DLG2: variants seen among roughly 807,000 people sequenced by gnomAD.
DLG2 encodes the protein disks large homolog 2.
Under a neutral mutation model 132.5 loss-of-function variants are expected in DLG2, and 45 were observed. The observed-to-expected ratio is 0.34, with a 90% confidence interval of 0.27 to 0.44. DLG2 has a LOEUF of 0.44. Among genes scored for constraint, DLG2 ranks in the 20% least tolerant of loss-of-function variants. The probability of loss-of-function intolerance (pLI) is 1.00; values close to 1 mark genes in which losing one functional copy is unlikely to be tolerated. For synonymous variants in DLG2, 424 were observed against 419.6 expected (o/e 1.01, Z -0.13); for missense variants, 1,045 against 1,196.9 (o/e 0.87, Z 1.87).
intron 3 of DLG2, among the ~76,000 whole-genome samples, chr11:85,543,552 G>A (rs2076110171): frequency 6.6e-6 from 1 of 152,128 alleles, no homozygotes; most frequent in Non-Finnish European, 1.5e-5. Context: ...GATCCTTAAG[G>A]AATTGCCACA....
chr11:85,011,373 C>T (rs1026935226), intron 6 of DLG2, among the ~76,000 whole-genome samples: 5 of 152,118 alleles, frequency 3.3e-5, no homozygotes, highest in East Asian at 1.9e-4. Context: ...AAATATTTGG[C>T]GTGGGATGAT....
intron 19 of DLG2, among the ~76,000 whole-genome samples, chr11:83,556,641 G>A (rs11233670): frequency 0.047 from 7,111 of 152,182 alleles, 210 homozygotes; most frequent in South Asian, 0.12. Flanking sequence ...CAAAGTGCTG[G>A]GATTACAGGC....
At chr11:83,917,208 G>C (rs1399131395) in intron 15 of DLG2, among the ~76,000 whole-genome samples, 1 of 152,118 alleles carries the variant, frequency 6.6e-6, no homozygotes, top group Admixed American at 6.5e-5. Flanking sequence ...CAGAGTTACT[G>C]GTGTTGAAAA....
intron 6 of DLG2, among the ~76,000 whole-genome samples, chr11:84,695,987 C>T (rs1416209886): frequency 2.0e-5 from 3 of 151,512 alleles, no homozygotes; most frequent in African/African-American, 7.3e-5. Context: ...AATAAGACCA[C>T]TACCAATGGA....
At chr11:85,364,006 T>A (rs142149398) in intron 3 of DLG2, among the ~76,000 whole-genome samples, 1 of 152,156 alleles carries the variant, frequency 6.6e-6, no homozygotes, top group Non-Finnish European at 1.5e-5. Context: ...TAATAGAAGA[T>A]TTGTCAGAAA....
At chr11:84,138,700 G>C (rs1254441226) in intron 9 of DLG2, among the ~76,000 whole-genome samples, 2 of 152,294 alleles carry the variant, frequency 1.3e-5, no homozygotes, top group Admixed American at 1.3e-4. Flanking sequence ...CATAATCCCA[G>C]AACTTCGGGA....
At chr11:84,171,628 G>A (rs2095824959) in intron 8 of DLG2, among the ~76,000 whole-genome samples, 1 of 152,124 alleles carries the variant, frequency 6.6e-6, no homozygotes, top group South Asian at 2.1e-4. Context: ...ACCCACTGAT[G>A]GACACTGAGG....
At chr11:85,088,863 A>G (rs1281765766) in intron 6 of DLG2, among the ~76,000 whole-genome samples, 1 of 152,186 alleles carries the variant, frequency 6.6e-6, no homozygotes, top group Non-Finnish European at 1.5e-5. Context: ...AATAAACAAA[A>G]CAAAAAGCAA....
intron 15 of DLG2, among the ~76,000 whole-genome samples, chr11:83,890,694 T>C (rs920102174): frequency 1.3e-5 from 2 of 152,158 alleles, no homozygotes; most frequent in African/African-American, 4.8e-5. Flanking sequence ...AAGCAGTGTA[T>C]GTAAAAAAAG....
chr11:83,906,854 C>T (rs1390438841), intron 15 of DLG2, among the ~76,000 whole-genome samples: 2 of 152,172 alleles, frequency 1.3e-5, no homozygotes, highest in Non-Finnish European at 2.9e-5. Flanking sequence ...TTAATAACCA[C>T]ATTATCAGGG....
chr11:84,822,442 G>A (rs2077813040), intron 6 of DLG2, among the ~76,000 whole-genome samples: 2 of 151,924 alleles, frequency 1.3e-5, no homozygotes, highest in Middle Eastern at 6.8e-3. Flanking sequence ...GTTTAAATGT[G>A]ATAAAGCACT....
At chr11:85,350,154 G>A (rs2083171425) in intron 3 of DLG2, among the ~76,000 whole-genome samples, 1 of 152,214 alleles carries the variant, frequency 6.6e-6, no homozygotes, top group African/African-American at 2.4e-5. Context: ...GCATTTCTCT[G>A]ATGACCAGTG....
At chr11:83,833,902 T>C in intron 16 of DLG2, 132 bp from the exon 17 acceptor site, 1 of 934,592 alleles carries the variant, frequency 1.1e-6, no homozygotes, top group Non-Finnish European at 1.5e-6. Flanking sequence ...AAGATAACAT[T>C]TGCACATCAA....
chr11:84,737,650 G>A (rs575304996), intron 6 of DLG2, among the ~76,000 whole-genome samples: 1 of 152,086 alleles, frequency 6.6e-6, no homozygotes, highest in Non-Finnish European at 1.5e-5. Context: ...GTGAAGGATT[G>A]GAATGGAACA....
At chr11:84,002,805 T>C (rs901654100) in intron 11 of DLG2, among the ~76,000 whole-genome samples, 2 of 152,216 alleles carry the variant, frequency 1.3e-5, no homozygotes, top group African/African-American at 4.8e-5. Flanking sequence ...CGTTGGTTCC[T>C]TGTTCATTAT....
chr11:84,640,850 G>C (rs2099659533), intron 6 of DLG2, among the ~76,000 whole-genome samples: 1 of 151,284 alleles, frequency 6.6e-6, no homozygotes, highest in African/African-American at 2.4e-5. Context: ...TGAGGCAGGA[G>C]AATTGCTTGA....
intron 11 of DLG2, among the ~76,000 whole-genome samples, chr11:84,008,139 C>T (rs949706574): frequency 1.3e-5 from 2 of 151,736 alleles, no homozygotes; most frequent in East Asian, 3.9e-4. Flanking sequence ...TTTTATTTCT[C>T]AAACTCTCTT....
chr11:83,621,891 C>G (rs889209167), intron 19 of DLG2, among the ~76,000 whole-genome samples: 2 of 152,106 alleles, frequency 1.3e-5, no homozygotes, highest in Non-Finnish European at 2.9e-5. Context: ...TCTGCTCTCA[C>G]TGTCTTGCTA....
chr11:85,156,049 T>A (rs1004002600), intron 4 of DLG2, among the ~76,000 whole-genome samples: 1 of 151,966 alleles, frequency 6.6e-6, no homozygotes. Flanking sequence ...TGAACAGAAA[T>A]TTCCACTCCT....
Sources: allele counts gnomAD v4.1 joint callset (sites outside exome capture counted in the v4.1 genomes callset), GRCh38; gene constraint gnomAD v4.1.1; transcripts MANE v1.5; gene names NCBI Gene and HGNC (gene_info 2026-07-23, HGNC 2026-07-21).